Variants in SIM1 observed in about 807,000 individuals in gnomAD.
The protein encoded by SIM1 is SIM bHLH transcription factor 1.
A neutral mutation model predicts 78.2 loss-of-function variants in SIM1; 18 were observed. The observed-to-expected ratio is 0.23, with a 90% confidence interval of 0.16 to 0.34. The LOEUF (loss-of-function observed/expected upper bound fraction) is 0.34, where lower values mean the gene tolerates loss of function less well. SIM1 is among the 10% of genes least tolerant of loss of function. The pLI is 1.00. For synonymous variants in SIM1, 417 were observed against 385.2 expected (o/e 1.08, Z -0.97); for missense variants, 939 against 975.1 (o/e 0.96, Z 0.49).
In SIM1 at chr6:100,388,569, C is replaced by T. The variant is rs549074738; in HGVS notation, c.*1792G>A. 6 of 152,268 alleles carry T rather than the reference C, an allele frequency of 3.9e-5. No individual in the cohort carries two copies. In the South Asian group the frequency reaches 1.0e-3, roughly 26 times the overall value. 9.4% of individuals were successfully genotyped at this position (152,268 alleles called of 1,614,324 possible). ...ACCCAGTACTCATCTTTCATATTAT[C>T]GTTCAGATTGTCACCTACCTATGGA... On this transcript the variant is annotated 3_prime_UTR_variant, in exon 12 of 12. Coordinates refer to ENST00000369208, the MANE Select transcript of SIM1 (RefSeq NM_005068.3).
At chr6:100,397,669 A>G (rs1000907163) in intron 10 of SIM1, among the ~76,000 whole-genome samples, 3 of 152,144 alleles carry the variant, frequency 2.0e-5, no homozygotes, top group African/African-American at 7.2e-5. Context: ...AAAAAAAAAG[A>G]TAAATTGAAC....
At chr6:100,427,877 CTCTTA>C (rs1401680546) in intron 9 of SIM1, among the ~76,000 whole-genome samples, 2 of 152,196 alleles carry the variant, frequency 1.3e-5, no homozygotes, top group Non-Finnish European at 2.9e-5. Flanking sequence ...TAAATTCCTT[CTCTTA>C]TAACAGCCTT....
At chr6:100,440,729 A>C (rs776312211) in intron 9 of SIM1, among the ~76,000 whole-genome samples, 1 of 152,206 alleles carries the variant, frequency 6.6e-6, no homozygotes, top group Non-Finnish European at 1.5e-5. Context: ...GCTCCAGTGA[A>C]TTTTCTATGA....
At chr6:100,407,659 T>A (rs547686668) in intron 10 of SIM1, among the ~76,000 whole-genome samples, 11 of 152,132 alleles carry the variant, frequency 7.2e-5, no homozygotes, top group Non-Finnish European at 1.3e-4. Flanking sequence ...CAAGGTGATA[T>A]CTCATTGAGG....
intron 9 of SIM1, among the ~76,000 whole-genome samples, chr6:100,433,504 T>C (rs1194585216): frequency 6.6e-6 from 1 of 152,252 alleles, no homozygotes; most frequent in Non-Finnish European, 1.5e-5. Flanking sequence ...GCTTAATTTT[T>C]CTCCTATCAC....
At chr6:100,410,723 G>A (rs1400977762) in intron 10 of SIM1, among the ~76,000 whole-genome samples, 1 of 152,108 alleles carries the variant, frequency 6.6e-6, no homozygotes, top group Non-Finnish European at 1.5e-5. Context: ...TGGCTCTGTA[G>A]GTATTTAAGC....
At chr6:100,422,828 T>A (rs1372762568) in intron 9 of SIM1, among the ~76,000 whole-genome samples, 1 of 152,136 alleles carries the variant, frequency 6.6e-6, no homozygotes, top group Non-Finnish European at 1.5e-5. Flanking sequence ...ACTTGTCAAT[T>A]TAAAATGGAC....
intron 10 of SIM1, among the ~76,000 whole-genome samples, chr6:100,403,654 C>G (rs548319191): frequency 1.3e-5 from 2 of 152,286 alleles, no homozygotes; most frequent in South Asian, 2.1e-4. Context: ...GAAAACATTA[C>G]TGTTTCCCTT....
intron 10 of SIM1, among the ~76,000 whole-genome samples, chr6:100,402,379 C>G (rs1490764204): frequency 6.6e-6 from 1 of 151,956 alleles, no homozygotes; most frequent in Non-Finnish European, 1.5e-5. Context: ...CTTCCAAATA[C>G]TCCAGTTTTC....
intron 8 of SIM1, 29 bp downstream of exon 8, chr6:100,448,117 C>T (rs1255249733): frequency 1.3e-6 from 2 of 1,577,450 alleles, no homozygotes; most frequent in East Asian, 2.3e-5. Flanking sequence ...GCCAAGGTTG[C>T]TAGGGTACGG....
At chr6:100,448,823 T>C (rs1382081871) in intron 6 of SIM1, 145 bp from the exon 7 acceptor site, 2 of 697,618 alleles carry the variant, frequency 2.9e-6, no homozygotes, top group African/African-American at 3.6e-5. Flanking sequence ...CCAAAGTTAC[T>C]GGTGCTCTAA....
At position 100,447,309 on chromosome 6, in the gene SIM1, G is replaced by C. The variant is rs1190073988; in HGVS notation, c.957C>G (p.Ser319=). The C allele has an allele frequency of 1.2e-6, 2 of 1,614,232 alleles. No individual in the cohort carries two copies. The highest frequency in any genetic ancestry group is 1.7e-6 in the Non-Finnish European group (2 of 1,180,046). The part of the protein sequence containing the change: ...SYATIVHNSR[S]SRPHCIVSVN... ...CGCTGACGATACAGTGTGGCCTGGA[G>C]GAGCGACTGTTGTGCACGATGGTCG... The change falls in exon 9 of 12, where the codon TCC becomes TCG. Residue 319 remains serine, a synonymous_variant. Transcript: ENST00000369208.
chr6:100,442,524 T>G lies in SIM1; in HGVS notation c.998+4744A>C, dbSNP rs538254293. On this transcript the variant is annotated intron_variant, in intron 9 of 11. Coordinates refer to ENST00000369208, the MANE Select transcript of SIM1 (RefSeq NM_005068.3). ...TCAAATCTAATTTACGGGTATACATTAGTGCATGATTATTATTTTGGAAGA... is the reference window on the plus strand; with the variant it reads ...TCAAATCTAATTTACGGGTATACATGAGTGCATGATTATTATTTTGGAAGA... Among the ~76,000 whole-genome samples, 5 of 152,294 alleles carry G rather than the reference T, an allele frequency of 3.3e-5. No homozygotes were observed. The South Asian group carries it at 1.0e-3, about 32-fold the overall frequency.
In SIM1 at chr6:100,448,543, G is replaced by T. The variant is rs1213659743; in HGVS notation, c.679C>A (p.Leu227Ile). 6.2e-7 allele frequency: 1 copy of T among 1,614,158 alleles called. No homozygotes were observed. The highest frequency in any genetic ancestry group is 1.1e-5 in the South Asian group (1 of 91,088). The change falls in exon 7 of 12, where the codon CTA (leucine) becomes ATA (isoleucine). Residue 227 changes from leucine to isoleucine, a missense_variant. Leu to Ile is a conservative substitution (Grantham distance 5). Transcript: ENST00000369208. ...LPPSAVTEIK[L>I]HSNMFMFRAS... is the part of the protein sequence containing the mutation. ...CGGAACATAAACATATTGCTGTGTA[G>T]CTTGATCTCCGTGACGGCGCTGGGA... is the stretch of plus-strand genomic sequence containing the variant.
At chr6:100,462,934 T>C (rs956339782) in intron 2 of SIM1, 3 of 187,752 alleles carry the variant, frequency 1.6e-5, no homozygotes, top group Admixed American at 1.1e-4. Context: ...TGCTCCTGGT[T>C]TTTACTGGAC....
At chr6:100,394,084 T>C (rs899495590) in intron 10 of SIM1, 195 bp from the exon 11 acceptor site, 6 of 497,040 alleles carry the variant, frequency 1.2e-5, no homozygotes, top group African/African-American at 6.0e-5. Flanking sequence ...TTCATTATGA[T>C]GCTTCCAAAG....
intron 2 of SIM1, among the ~76,000 whole-genome samples, chr6:100,454,901 G>C (rs932097953): frequency 1.3e-5 from 2 of 152,152 alleles, no homozygotes; most frequent in African/African-American, 4.8e-5. Context: ...TAGTGCTGCT[G>C]CTAAAATTAT....
rs1770560141 is a variant in SIM1, at chr6:100,388,465, T to C, written c.*1896A>G. The stretch of plus-strand genomic sequence containing the variant: ...ATATATAACCACTAACTTTCTCACT[T>C]ACTTGCACTTTTTTGCATTTACAGC... On this transcript the variant is annotated 3_prime_UTR_variant, in exon 12 of 12. Transcript: ENST00000369208. 6.6e-6 allele frequency: 1 copy of C among 152,232 alleles called. No homozygotes were observed. Among genetic ancestry groups the C allele is most frequent in the East Asian group, 1.9e-4 (1 of 5,208 alleles). The allele number at this position is 152,232 out of a possible 1,614,324, so 9.4% of individuals were successfully genotyped here.
chr6:100,445,829 TTAA>T (rs1352539807), intron 9 of SIM1, among the ~76,000 whole-genome samples: 1 of 152,186 alleles, frequency 6.6e-6, no homozygotes, highest in African/African-American at 2.4e-5. Context: ...TTTTCACCCT[TTAA>T]TACTACTGTT....
Sources: allele counts gnomAD v4.1 joint callset (sites outside exome capture counted in the v4.1 genomes callset), GRCh38; gene constraint gnomAD v4.1.1; transcripts MANE v1.5; gene names NCBI Gene and HGNC (gene_info 2026-07-23, HGNC 2026-07-21).